The following ATRNL1 variants were observed in gnomAD, a reference collection of about 807,000 sequenced individuals.
ATRNL1 encodes the protein attractin like 1, also known as attractin-like protein 1.
ATRNL1 carries 95 observed loss-of-function variants against 182.7 expected under a neutral mutation model. That is an observed-to-expected ratio of 0.52 (90% CI 0.44 to 0.62). ATRNL1 has a LOEUF of 0.62. Ranked by LOEUF, ATRNL1 falls within the 20% of genes least tolerant of loss-of-function variation. The pLI is 0.00. For missense variants in ATRNL1, 1,471 were observed against 1,679.5 expected (o/e 0.88, Z 2.17); for synonymous variants, 576 against 568.3 (o/e 1.01, Z -0.19).
At chr10:115,545,059 A>T (rs1417197809) in intron 25 of ATRNL1, among the ~76,000 whole-genome samples, 1 of 151,982 alleles carries the variant, frequency 6.6e-6, no homozygotes, top group African/African-American at 2.4e-5. Context: ...TATAAGGATA[A>T]TAATGCCAAA....
At chr10:115,733,086 A>T (rs572103229) in intron 27 of ATRNL1, among the ~76,000 whole-genome samples, 3 of 152,282 alleles carry the variant, frequency 2.0e-5, no homozygotes, top group African/African-American at 4.8e-5. Context: ...TAGTTTTGTT[A>T]TGCTAATAAA....
chr10:115,315,006 A>G lies in ATRNL1; in HGVS notation c.2819-512A>G, dbSNP rs1216159950. Among the ~76,000 whole-genome samples, 4 of 152,304 alleles carry G rather than the reference A, an allele frequency of 2.6e-5. No homozygotes were observed. In the East Asian group the frequency reaches 5.8e-4, roughly 22 times the overall value. The stretch of plus-strand genomic sequence containing the variant: ...CATCACATAGTAGCCAAATACTAGT[A>G]TCTTGGACCCTTGTGAGGAGCATTG... On this transcript the variant is annotated intron_variant, in intron 17 of 28. Coordinates refer to ENST00000355044, the MANE Select transcript of ATRNL1 (RefSeq NM_207303.4).
At chr10:115,456,663 A>G (rs1847540056) in intron 21 of ATRNL1, among the ~76,000 whole-genome samples, 1 of 152,144 alleles carries the variant, frequency 6.6e-6, no homozygotes. Context: ...GAATAGTAAT[A>G]TATGTAATAC....
chr10:115,164,295 T>G (rs1489830367), intron 6 of ATRNL1, among the ~76,000 whole-genome samples: 1 of 152,174 alleles, frequency 6.6e-6, no homozygotes, highest in East Asian at 1.9e-4. Context: ...TTATACAGTC[T>G]TAAAAAATTA....
intron 26 of ATRNL1, among the ~76,000 whole-genome samples, chr10:115,608,449 T>C (rs1856982004): frequency 2.6e-5 from 4 of 152,028 alleles, no homozygotes; most frequent in Admixed American, 2.0e-4. Flanking sequence ...GTAGGTTAAA[T>C]AACAAGAATC....
chr10:115,587,480 C>G (rs1024733709), intron 26 of ATRNL1, among the ~76,000 whole-genome samples: 2 of 151,758 alleles, frequency 1.3e-5, no homozygotes, highest in African/African-American at 4.8e-5. Flanking sequence ...TGTTTTAGCC[C>G]GTCGGAAAAG....
intron 9 of ATRNL1, among the ~76,000 whole-genome samples, chr10:115,223,913 G>GTATATA (rs782380839): frequency 4.3e-4 from 24 of 55,924 alleles, no homozygotes; most frequent in African/African-American, 1.5e-3. Context: ...GTGTGTGTGT[G>GTATATA]TATATATATA....
At chr10:115,807,090 C>T (rs1263591664) in intron 27 of ATRNL1, among the ~76,000 whole-genome samples, 1 of 150,328 alleles carries the variant, frequency 6.7e-6, no homozygotes, top group Admixed American at 6.6e-5. Context: ...GAATGCATGT[C>T]GTTGTACTCA....
intron 18 of ATRNL1, among the ~76,000 whole-genome samples, chr10:115,321,719 A>G (rs1468622702): frequency 7.0e-6 from 1 of 143,102 alleles, no homozygotes; most frequent in African/African-American, 2.6e-5. Context: ...AGAGATGCCC[A>G]CTTGCACCAC....
intron 26 of ATRNL1, among the ~76,000 whole-genome samples, chr10:115,658,512 T>C (rs1860478324): frequency 6.6e-6 from 1 of 152,110 alleles, no homozygotes; most frequent in South Asian, 2.1e-4. Flanking sequence ...TCAACCTTTT[T>C]TAGTGATAGG....
intron 28 of ATRNL1, among the ~76,000 whole-genome samples, chr10:115,930,221 T>A (rs1953352792): frequency 1.3e-5 from 2 of 152,182 alleles, no homozygotes; most frequent in African/African-American, 4.8e-5. Flanking sequence ...TACCAAACAA[T>A]GTGTTTTTAA....
chr10:115,411,929 T>G (rs1554959984), intron 20 of ATRNL1, among the ~76,000 whole-genome samples: 6 of 152,178 alleles, frequency 3.9e-5, no homozygotes, highest in Non-Finnish European at 8.8e-5. Context: ...GCTCCTATAT[T>G]GACCATTAAT....
chr10:115,684,046 A>T (rs572295499), intron 26 of ATRNL1, among the ~76,000 whole-genome samples: 1 of 151,842 alleles, frequency 6.6e-6, no homozygotes, highest in African/African-American at 2.4e-5. Flanking sequence ...TAGTATCAGT[A>T]TACTATTTAT....
chr10:115,386,886 T>G (rs1204881799), intron 19 of ATRNL1, among the ~76,000 whole-genome samples: 1 of 140,998 alleles, frequency 7.1e-6, no homozygotes, highest in Non-Finnish European at 1.5e-5. Context: ...CATTGTTCAA[T>G]TCCCACCTAT....
intron 27 of ATRNL1, among the ~76,000 whole-genome samples, chr10:115,778,921 A>G (rs2134184154): frequency 6.6e-6 from 1 of 152,368 alleles, no homozygotes; most frequent in African/African-American, 2.4e-5. Flanking sequence ...ATTCAGTATC[A>G]AGAGCAACAG....
At chr10:115,161,230 A>G (rs1399765497) in intron 6 of ATRNL1, among the ~76,000 whole-genome samples, 1 of 152,006 alleles carries the variant, frequency 6.6e-6, no homozygotes, top group Non-Finnish European at 1.5e-5. Context: ...CTTTAAAACT[A>G]TGATTGAATG....
chr10:115,345,614 A>G (rs1055165030), intron 19 of ATRNL1, among the ~76,000 whole-genome samples: 1 of 152,106 alleles, frequency 6.6e-6, no homozygotes, highest in Non-Finnish European at 1.5e-5. Context: ...TTCTGTTTAG[A>G]TAGTTGTTAA....
chr10:115,256,604 G>A (rs562477281), intron 10 of ATRNL1, among the ~76,000 whole-genome samples: 4 of 151,976 alleles, frequency 2.6e-5, no homozygotes, highest in African/African-American at 9.7e-5. Flanking sequence ...GATTCATTGA[G>A]TTTTTGAAGG....
In ATRNL1 at chr10:115,948,740, C is replaced by T. The variant is rs912742834; in HGVS notation, c.*3961C>T. The stretch of plus-strand genomic sequence containing the variant: ...AAAGAATTTTCCAAGGAATACAAGC[C>T]ATCTGGTTGGTGTTAGTTATAGCAG... On this transcript the variant is annotated 3_prime_UTR_variant, in exon 29 of 29. Coordinates refer to ENST00000355044, the MANE Select transcript of ATRNL1 (RefSeq NM_207303.4). The T allele has an allele frequency of 1.3e-5, 2 of 152,134 alleles. No individual in the cohort carries two copies. The highest frequency in any genetic ancestry group is 6.5e-5 in the Admixed American group (1 of 15,268). The allele number at this position is 152,134 out of a possible 1,614,324, so 9.4% of individuals were successfully genotyped here.
Sources: allele counts gnomAD v4.1 joint callset (sites outside exome capture counted in the v4.1 genomes callset), GRCh38; gene constraint gnomAD v4.1.1; transcripts MANE v1.5; gene names NCBI Gene and HGNC (gene_info 2026-07-23, HGNC 2026-07-21).